RNF144A: variants seen among roughly 807,000 people sequenced by gnomAD.
The protein encoded by RNF144A is E3 ubiquitin-protein ligase RNF144A.
Under a neutral mutation model 38.7 loss-of-function variants are expected in RNF144A, and 11 were observed. The ratio of observed to expected loss-of-function variants is 0.28; its 90% confidence interval spans 0.18 to 0.47. RNF144A has a LOEUF of 0.47. RNF144A is among the 20% of genes least tolerant of loss of function. RNF144A has a pLI of 0.99. For missense variants in RNF144A, 316 were observed against 377.2 expected, an observed-to-expected ratio of 0.84 and a Z score of 1.34; for synonymous variants, 149 against 143.9, an observed-to-expected ratio of 1.04 and a Z score of -0.25.
intron 1 of RNF144A, among the ~76,000 whole-genome samples, chr2:6,920,350 G>A (rs1317967896): frequency 6.6e-6 from 1 of 152,180 alleles, no homozygotes; most frequent in East Asian, 1.9e-4. Flanking sequence ...CTCGTAGCTT[G>A]GAAAGGAGGG....
chr2:7,021,571 T>C (rs1173778875), intron 6 of RNF144A, among the ~76,000 whole-genome samples: 1 of 152,242 alleles, frequency 6.6e-6, no homozygotes, highest in Non-Finnish European at 1.5e-5. Flanking sequence ...CCTGCCACAC[T>C]TCAGGTGGGG....
intron 1 of RNF144A, among the ~76,000 whole-genome samples, chr2:6,923,098 C>T (rs1454549981): frequency 6.6e-6 from 1 of 152,166 alleles, no homozygotes; most frequent in Non-Finnish European, 1.5e-5. Context: ...CTGCTCGACC[C>T]CTGCTACAGC....
At position 7,041,720 on chromosome 2, in the gene RNF144A, A is replaced by G. The variant is rs1176655000; in HGVS notation, c.*1960A>G. On this transcript the variant is annotated 3_prime_UTR_variant, in exon 9 of 9. Transcript: ENST00000320892. ...ATGGGAGGCCTGTGGCCCTGTGTCC[A>G]GTGGCCCACAGGACACGCCTCCACC... The G allele has an allele frequency of 8.1e-6, 8 of 985,294 alleles. No individual in the cohort carries two copies. The highest frequency in any genetic ancestry group is 7.2e-6 in the Non-Finnish European group (6 of 829,966). 61.0% of individuals were successfully genotyped at this position (985,294 alleles called of 1,614,324 possible).
intron 2 of RNF144A, among the ~76,000 whole-genome samples, chr2:6,964,222 CTCA>C (rs1307281953): frequency 6.6e-6 from 1 of 152,170 alleles, no homozygotes; most frequent in Admixed American, 6.5e-5. Flanking sequence ...TGAAAAAATA[CTCA>C]TCATCACTGG....
chr2:7,014,206 G>T (rs938221688), intron 3 of RNF144A, among the ~76,000 whole-genome samples: 1 of 152,088 alleles, frequency 6.6e-6, no homozygotes, highest in Non-Finnish European at 1.5e-5. Flanking sequence ...GTTTTGTGCC[G>T]GGATCTAACC....
At chr2:7,044,183 C>G, downstream of RNF144A, 1 of 985,492 alleles carries the variant, frequency 1.0e-6, no homozygotes, top group Non-Finnish European at 1.2e-6. Flanking sequence ...TTGTAAACCC[C>G]GCGTGGCTCC....
chr2:6,968,209 C>T (rs918921094), intron 2 of RNF144A, among the ~76,000 whole-genome samples: 1 of 152,230 alleles, frequency 6.6e-6, no homozygotes, highest in Non-Finnish European at 1.5e-5. Flanking sequence ...TCTGGGCCAC[C>T]CTTGAGAAGG....
At chr2:6,961,290 G>A (rs1272347444) in intron 2 of RNF144A, among the ~76,000 whole-genome samples, 1 of 151,964 alleles carries the variant, frequency 6.6e-6, no homozygotes, top group African/African-American at 2.4e-5. Flanking sequence ...AAATCTTTAT[G>A]ATGATAATGA....
chr2:6,946,619 G>T (rs149848276), intron 2 of RNF144A, among the ~76,000 whole-genome samples: 1 of 152,222 alleles, frequency 6.6e-6, no homozygotes, highest in Non-Finnish European at 1.5e-5. Context: ...AGGGCTGACC[G>T]ATTTGACAGT....
At chr2:6,945,024 A>G (rs2103304155) in intron 2 of RNF144A, among the ~76,000 whole-genome samples, 1 of 152,238 alleles carries the variant, frequency 6.6e-6, no homozygotes, top group East Asian at 1.9e-4. Context: ...GTTTTTCCCA[A>G]GTAGGAAATA....
At chr2:7,068,486 A>T (rs182719585), downstream of RNF144A, among the ~76,000 whole-genome samples, 2 of 152,334 alleles carry the variant, frequency 1.3e-5, no homozygotes, top group African/African-American at 4.8e-5. Flanking sequence ...CAATAAGCAG[A>T]AGAAGCAGAA....
chr2:6,971,225 C>G (rs1667983278), intron 2 of RNF144A, among the ~76,000 whole-genome samples: 1 of 152,104 alleles, frequency 6.6e-6, no homozygotes, highest in South Asian at 2.1e-4. Flanking sequence ...CTTGCCCAGG[C>G]CTCTTGGGAC....
At chr2:6,952,233 A>G (rs1666730180) in intron 2 of RNF144A, among the ~76,000 whole-genome samples, 1 of 152,068 alleles carries the variant, frequency 6.6e-6, no homozygotes. Flanking sequence ...ATTCTCTTAT[A>G]CTTCTAAGAG....
chr2:6,979,949 G>A (rs115582125), intron 2 of RNF144A, among the ~76,000 whole-genome samples: 50 of 152,264 alleles, frequency 3.3e-4, no homozygotes, highest in African/African-American at 1.1e-3. Flanking sequence ...CACAATTATG[G>A]CTGAAGGTGA....
chr2:7,062,602 C>A (rs1025116939), intron 6 of RNF144A: 11 of 151,866 alleles, frequency 7.2e-5, no homozygotes, highest in African/African-American at 2.7e-4. Flanking sequence ...CATTACAGCC[C>A]CAAGGTAAAA....
chr2:6,922,285 G>A, intron 1 of RNF144A, among the ~76,000 whole-genome samples: 1 of 152,052 alleles, frequency 6.6e-6, no homozygotes, highest in East Asian at 1.9e-4. Flanking sequence ...GCTGGATATG[G>A]CCGTGCAGGC....
chr2:6,975,431 T>C (rs1038810535), intron 2 of RNF144A, among the ~76,000 whole-genome samples: 2 of 152,148 alleles, frequency 1.3e-5, no homozygotes, highest in African/African-American at 4.8e-5. Context: ...CAAACTTCTT[T>C]AAAGGTATAT....
chr2:6,924,194 T>C (rs1664719496), intron 1 of RNF144A, among the ~76,000 whole-genome samples: 1 of 152,218 alleles, frequency 6.6e-6, no homozygotes, highest in Non-Finnish European at 1.5e-5. Context: ...GAATGTAGCC[T>C]GGTGGCCTGG....
intron 2 of RNF144A, among the ~76,000 whole-genome samples, chr2:6,976,174 A>G (rs1238447676): frequency 6.6e-6 from 1 of 152,198 alleles, no homozygotes; most frequent in Non-Finnish European, 1.5e-5. Flanking sequence ...TGGTAGATAT[A>G]TTGACATTTT....
Sources: allele counts gnomAD v4.1 joint callset (sites outside exome capture counted in the v4.1 genomes callset), GRCh38; gene constraint gnomAD v4.1.1; transcripts MANE v1.5; gene names NCBI Gene and HGNC (gene_info 2026-07-23, HGNC 2026-07-21).